Variants in CADPS2 observed in about 807,000 individuals in gnomAD.
CADPS2 encodes calcium dependent secretion activator 2, also known as calcium-dependent secretion activator 2.
In CADPS2, 93 loss-of-function variants were observed where a neutral mutation model predicts 172.5. The observed-to-expected ratio is 0.54, with a 90% CI of 0.46 to 0.64. The LOEUF (loss-of-function observed/expected upper bound fraction) is 0.64, where lower values mean the gene tolerates loss of function less well. Among genes scored for constraint, CADPS2 ranks in the 30% least tolerant of loss-of-function variants. CADPS2 has a pLI of 0.00. For missense variants in CADPS2, 1,420 were observed against 1,565.9 expected (o/e 0.91, Z 1.57); for synonymous variants, 546 against 555.2 (o/e 0.98, Z 0.23).
chr7:122,886,333 A>C lies in CADPS2; in HGVS notation c.5T>G (p.Leu2Arg). M[L>R]DPSSSEEESD... The stretch of plus-strand genomic sequence containing the variant: ...CTCCTCTTCGCTGGAAGACGGGTCC[A>C]GCATGGTGCTCGGGGATCCCCGCCG... The change falls in exon 1 of 30, where the codon CTG (leucine) becomes CGG (arginine). Residue 2 changes from leucine (L) to arginine (R), a missense_variant. Leu to Arg is a moderately radical substitution (Grantham distance 102, BLOSUM62 -2). Coordinates refer to ENST00000449022, the MANE Select transcript of CADPS2 (RefSeq NM_017954.11). 6.7e-7 allele frequency: 1 copy of C among 1,499,512 alleles called. No individual in the cohort carries two copies. The highest frequency in any genetic ancestry group is 2.8e-5 in the East Asian group (1 of 35,636). The allele number at this position is 1,499,512 out of a possible 1,614,324, so 92.9% of individuals were successfully genotyped here.
intron 3 of CADPS2, among the ~76,000 whole-genome samples, chr7:122,645,323 G>A (rs1321995881): frequency 6.1e-5 from 7 of 114,568 alleles, no homozygotes; most frequent in South Asian, 2.6e-4. Context: ...GTGTATACAT[G>A]TACATATATA....
intron 19 of CADPS2, among the ~76,000 whole-genome samples, chr7:122,409,146 G>A (rs1011718516): frequency 2.6e-5 from 4 of 152,090 alleles, no homozygotes; most frequent in Non-Finnish European, 5.9e-5. Flanking sequence ...ATGACCTAAC[G>A]TAAAAACACA....
At chr7:122,663,946 G>A (rs1020180702) in intron 2 of CADPS2, among the ~76,000 whole-genome samples, 3 of 151,744 alleles carry the variant, frequency 2.0e-5, no homozygotes, top group Middle Eastern at 3.2e-3. Flanking sequence ...CAGAGTGAAA[G>A]GACAGCTGTC....
rs1279966464 is a variant in CADPS2 at position 122,886,026 on chromosome 7, G to A, written c.312C>T (p.Pro104=). ...TCTGCTGCCTCCGGGCCATGTCGGT[G>A]GGCTGCTTGGCGTTGAAGGGGTACG... ...CIAYPFNAKQ[P]TDMARRQQKL... The change falls in exon 1 of 30, where the codon CCC becomes CCT. Residue 104 remains proline (P), a synonymous_variant. Coordinates refer to ENST00000449022, the MANE Select transcript of CADPS2 (RefSeq NM_017954.11). 1.2e-6 allele frequency: 2 copies of A among 1,608,382 alleles called. No homozygotes were observed. Among genetic ancestry groups the A allele is most frequent in the Non-Finnish European group, 1.7e-6 (2 of 1,177,780 alleles).
At chr7:122,383,252 G>A (rs1484666873) in intron 24 of CADPS2, among the ~76,000 whole-genome samples, 4 of 151,934 alleles carry the variant, frequency 2.6e-5, no homozygotes, top group Non-Finnish European at 4.4e-5. Flanking sequence ...GATACTGCAT[G>A]TTCTCACTTA....
chr7:122,437,505 A>G (rs1586028702), intron 17 of CADPS2, among the ~76,000 whole-genome samples: 1 of 152,258 alleles, frequency 6.6e-6, no homozygotes, highest in East Asian at 1.9e-4. Flanking sequence ...AAAAGTTACT[A>G]AAATTTTATA....
At chr7:122,512,192 C>T (rs753944687) in intron 9 of CADPS2, among the ~76,000 whole-genome samples, 1 of 152,042 alleles carries the variant, frequency 6.6e-6, no homozygotes, top group Non-Finnish European at 1.5e-5. Context: ...CATGGGACAT[C>T]AATAAAGTAA....
rs544692698 is a variant in CADPS2, at chr7:122,574,605, C to T, written c.1335+6574G>A. The stretch of plus-strand genomic sequence containing the variant: ...AAGTTGAGCCTCTAAAATTTCATGT[C>T]CCAGAAAGCAAAGACCAATAGGTAC... On this transcript the variant is annotated intron_variant, in intron 7 of 29. Transcript: ENST00000449022. Among the ~76,000 whole-genome samples the T allele has an allele frequency of 1.1e-3, 167 of 151,402 alleles. 1 individual carries two copies. In the Middle Eastern group the frequency reaches 0.027, roughly 25 times the overall value.
intron 3 of CADPS2, among the ~76,000 whole-genome samples, chr7:122,651,898 G>T (rs1348166584): frequency 6.6e-6 from 1 of 152,052 alleles, no homozygotes; most frequent in African/African-American, 2.4e-5. Context: ...GTTCATTTAG[G>T]ATTACATGCC....
intron 3 of CADPS2, among the ~76,000 whole-genome samples, chr7:122,635,350 A>G (rs963884810): frequency 6.6e-6 from 1 of 151,776 alleles, no homozygotes; most frequent in South Asian, 2.1e-4. Flanking sequence ...TACTATGTAT[A>G]CATGTGCCAT....
intron 3 of CADPS2, among the ~76,000 whole-genome samples, chr7:122,633,714 G>A (rs2471206): frequency 0.77 from 117,407 of 152,042 alleles, 45,917 homozygotes; most frequent in Middle Eastern, 0.92. Flanking sequence ...TTCTCTGGCT[G>A]GGCTTCTAGT....
At chr7:122,622,425 A>G (rs2075694959) in intron 4 of CADPS2, among the ~76,000 whole-genome samples, 1 of 152,234 alleles carries the variant, frequency 6.6e-6, no homozygotes, top group Non-Finnish European at 1.5e-5. Context: ...TTCTTGCTAA[A>G]TTATATCAGC....
intron 4 of CADPS2, 29 bp downstream of exon 4, chr7:122,629,219 C>G: frequency 3.2e-6 from 5 of 1,548,720 alleles, no homozygotes; most frequent in Non-Finnish European, 3.5e-6. Context: ...AAAGGAATGT[C>G]ATACAGTATG....
At chr7:122,360,142 T>C (rs1284747769) in intron 27 of CADPS2, among the ~76,000 whole-genome samples, 1 of 152,180 alleles carries the variant, frequency 6.6e-6, no homozygotes, top group Non-Finnish European at 1.5e-5. Context: ...GCCTTGATCA[T>C]ATAGGTGATA....
intron 11 of CADPS2, 92 bp downstream of exon 11, chr7:122,489,989 A>T: frequency 9.8e-7 from 1 of 1,018,048 alleles, no homozygotes; most frequent in South Asian, 1.5e-5. Context: ...TCAATTAATG[A>T]TGTAAACTAT....
At chr7:122,561,731 T>C (rs923924667) in intron 7 of CADPS2, among the ~76,000 whole-genome samples, 2 of 152,164 alleles carry the variant, frequency 1.3e-5, no homozygotes, top group African/African-American at 2.4e-5. Flanking sequence ...ATTTAAAGTA[T>C]GCATCCTGAT....
intron 12 of CADPS2, 117 bp from the exon 13 acceptor site, chr7:122,474,634 GAAATA>G: frequency 1.1e-6 from 1 of 913,450 alleles, no homozygotes; most frequent in Non-Finnish European, 1.6e-6. Context: ...TTTATCACAT[GAAATA>G]TGATGCCAAG....
At chr7:122,421,331 T>C (rs1399204314) in intron 17 of CADPS2, among the ~76,000 whole-genome samples, 10 of 152,188 alleles carry the variant, frequency 6.6e-5, no homozygotes, top group African/African-American at 2.4e-4. Flanking sequence ...TTAAATTTAA[T>C]GAGCTGATTG....
intron 27 of CADPS2, among the ~76,000 whole-genome samples, chr7:122,356,608 T>C (rs1457277963): frequency 6.6e-6 from 1 of 152,240 alleles, no homozygotes; most frequent in Non-Finnish European, 1.5e-5. Context: ...TATTAATTAT[T>C]TGGAGTTCTT....
Sources: allele counts gnomAD v4.1 joint callset (sites outside exome capture counted in the v4.1 genomes callset), GRCh38; gene constraint gnomAD v4.1.1; transcripts MANE v1.5; gene names NCBI Gene and HGNC (gene_info 2026-07-23, HGNC 2026-07-21).